Variants in SALL1 observed in about 807,000 individuals in gnomAD.
The protein encoded by SALL1 is spalt like transcription factor 1.
SALL1 carries 10 observed loss-of-function variants against 73.1 expected under a neutral mutation model. That is an observed-to-expected ratio of 0.14 (90% CI 0.08 to 0.23). The LOEUF (loss-of-function observed/expected upper bound fraction) is 0.23, where lower values mean the gene tolerates loss of function less well. Ranked by LOEUF, SALL1 falls within the 10% of genes least tolerant of loss-of-function variation. The probability of loss-of-function intolerance (pLI) is 1.00; values close to 1 mark genes in which losing one functional copy is unlikely to be tolerated. For synonymous variants in SALL1, 688 were observed against 689.8 expected (o/e 1.00, Z 0.04); for missense variants, 1,520 against 1,697.3 (o/e 0.90, Z 1.84).
At chr16:51,142,485 T>G (rs1025855484) in intron 1 of SALL1, among the ~76,000 whole-genome samples, 5 of 152,082 alleles carry the variant, frequency 3.3e-5, no homozygotes, top group Admixed American at 6.6e-5. Context: ...CCGGAGAGGG[T>G]CCACAAACCA....
At chr16:51,142,208 T>TA (rs878879461) in intron 1 of SALL1, 63 bp from the exon 2 acceptor site, 13,296 of 1,029,188 alleles carry the variant, frequency 0.013, 1 homozygote, top group Non-Finnish European at 0.014. Flanking sequence ...ACCTATGACT[T>TA]AAAAAAAAAA....
chr16:51,136,777 C>A lies in SALL1; in HGVS notation c.*335G>T. 3 of 341,298 alleles carry A rather than the reference C, an allele frequency of 8.8e-6. No homozygotes were observed. The highest frequency in any genetic ancestry group is 6.1e-5 in the South Asian group (2 of 32,628). The allele number at this position is 341,298 out of a possible 1,614,324, so 21.1% of individuals were successfully genotyped here. A position where few individuals can be genotyped will look rare whatever the true frequency, so the allele number is the denominator to read the frequency against. On this transcript the variant is annotated 3_prime_UTR_variant, in exon 3 of 3. Transcript: ENST00000251020. The stretch of plus-strand genomic sequence containing the variant: ...ACTGGATATAGAAAATAAGTTAATG[C>A]CAGATTACAACTGCCTAGCAGGGCA...
chr16:51,138,785 G>A lies in SALL1; in HGVS notation c.3437C>T (p.Ser1146Leu), dbSNP rs763919896. 9 of 1,614,048 alleles carry A rather than the reference G, an allele frequency of 5.6e-6. No homozygotes were observed. Among genetic ancestry groups the A allele is most frequent in the Admixed American group, 1.7e-5 (1 of 60,010 alleles). ...CNTCGKTFSSSSALQIHERTH... is the reference protein window; with the variant it reads ...CNTCGKTFSSLSALQIHERTH... ...TCTCTCGTGAATCTGCAGGGCACTC[G>A]ATGAGGAGAAGGTTTTGCCACATGT... is the stretch of plus-strand genomic sequence containing the variant. The change falls in exon 2 of 3, where the codon TCG becomes TTG. Residue 1146 changes from serine to leucine, a missense_variant. Around this residue, in one of 7 missense-constraint regions of SALL1, gnomAD observed 318 missense variants for 357.1 expected, o/e 0.89. Transcript: ENST00000251020.
At chr16:51,151,113 G>C in intron 1 of SALL1, 53 bp downstream of exon 1, 1 of 1,383,522 alleles carries the variant, frequency 7.2e-7, no homozygotes, top group Non-Finnish European at 9.8e-7. Flanking sequence ...GTCCGAGTGT[G>C]CGTGAGTGTG....
upstream of SALL1, among the ~76,000 whole-genome samples, chr16:51,151,600 C>A (rs902805470): frequency 2.0e-5 from 3 of 151,448 alleles, no homozygotes; most frequent in Non-Finnish European, 4.4e-5. Context: ...CCGCGCCGCC[C>A]GACACTGGGT....
Position 51,142,165 on chromosome 16 carries a change from G to A in SALL1, c.77-20C>T, listed in dbSNP as rs759645587. 1.0e-5 allele frequency: 16 copies of A among 1,588,614 alleles called. No homozygotes were observed. The highest frequency in any genetic ancestry group is 1.3e-5 in the African/African-American group (1 of 74,260). On this transcript the variant is annotated intron_variant, in intron 1 of 2. Transcript: ENST00000251020. ...TGTCTCCTACAAATGTCAAAAAGGT[G>A]CAGGATTAGAAAAGGGGCCAGGACA...
chr16:51,138,454 A>G (rs1962350713), intron 2 of SALL1, among the ~76,000 whole-genome samples: 1 of 152,098 alleles, frequency 6.6e-6, no homozygotes, highest in African/African-American at 2.4e-5. Flanking sequence ...CAAATTATTC[A>G]ATGTGCACTG....
rs1204692301 is a variant in SALL1 at position 51,137,040 on chromosome 16, G to A, written c.*72C>T. On this transcript the variant is annotated 3_prime_UTR_variant, in exon 3 of 3. Transcript: ENST00000251020. Reference sequence around the variant, plus strand: ...AGGAAGGGGCGGGGCGGGGTGGGGGGCAAGGAGTAGGAGGCCACCATAGGT... The same window carrying A: ...AGGAAGGGGCGGGGCGGGGTGGGGGACAAGGAGTAGGAGGCCACCATAGGT... The A allele has an allele frequency of 2.1e-6, 3 of 1,421,188 alleles. No homozygotes were observed. The highest frequency in any genetic ancestry group is 1.8e-5 in the Admixed American group (1 of 56,758). The allele number at this position is 1,421,188 out of a possible 1,614,324, so 88.0% of individuals were successfully genotyped here.
chr16:51,139,888 A>G lies in SALL1; in HGVS notation c.2334T>C (p.Ala778=). 1.2e-6 allele frequency: 2 copies of G among 1,614,182 alleles called. No homozygotes were observed. Among genetic ancestry groups the G allele is most frequent in the East Asian group, 2.2e-5 (1 of 44,886 alleles). The change falls in exon 2 of 3, where the codon GCT becomes GCC. Residue 778 remains alanine, a synonymous_variant. Coordinates refer to ENST00000251020, the MANE Select transcript of SALL1 (RefSeq NM_002968.3). The part of the protein sequence containing the change: ...CPICQKKFTN[A]VVLQQHIRMH... The stretch of plus-strand genomic sequence containing the variant: ...TTCGGATGTGCTGCTGCAGGACCAC[A>G]GCGTTCGTGAACTTCTTCTGGCAGA...
At chr16:51,148,456 G>A (rs1294708815) in intron 1 of SALL1, among the ~76,000 whole-genome samples, 1 of 152,162 alleles carries the variant, frequency 6.6e-6, no homozygotes, top group Non-Finnish European at 1.5e-5. Flanking sequence ...ACCATCTCAA[G>A]ACATAAGAAA....
At chr16:51,151,114 CGTGA>C (rs1458127048) in intron 1 of SALL1, 48 bp downstream of exon 1, 91 of 1,384,534 alleles carry the variant, frequency 6.6e-5, no homozygotes, top group Non-Finnish European at 8.2e-5. Context: ...TCCGAGTGTG[CGTGA>C]GTGTGAGTGC....
chr16:51,137,610 G>C, intron 2 of SALL1, 58 bp from the exon 3 acceptor site: 1 of 1,387,514 alleles, frequency 7.2e-7, no homozygotes, highest in Non-Finnish European at 1.0e-6. Context: ...AAAAAGAGGA[G>C]GGGGAGAGAA....
In SALL1 at chr16:51,140,847, C is replaced by T; in HGVS notation, c.1375G>A (p.Gly459Arg). The part of the protein sequence containing the change: ...HKCRFCAKVF[G>R]SDSALQIHLR... ...TGGATCTGCAAGGCACTGTCACTCC[C>T]AAAGACCTTCGCGCAGAACCTGCAC... Residue 459 changes from glycine (G) to arginine (R), a missense_variant, in exon 2 of 3, where the codon GGG becomes AGG. Coordinates refer to ENST00000251020, the MANE Select transcript of SALL1 (RefSeq NM_002968.3). The surrounding 1 kb of genome is among the most constrained non-coding windows in gnomAD (Gnocchi z 5.7). 1 of 1,614,230 alleles carries T rather than the reference C, an allele frequency of 6.2e-7. No homozygotes were observed. The highest frequency in any genetic ancestry group is 8.5e-7 in the Non-Finnish European group (1 of 1,180,054).
At chr16:51,145,233 C>A in intron 1 of SALL1, among the ~76,000 whole-genome samples, 1 of 151,730 alleles carries the variant, frequency 6.6e-6, no homozygotes, top group East Asian at 1.9e-4. Flanking sequence ...CACACACACA[C>A]ACACACACAC....
chr16:51,138,953 T>C lies in SALL1; in HGVS notation c.3269A>G (p.Asn1090Ser), dbSNP rs151069232. 10 of 1,614,044 alleles carry C rather than the reference T, an allele frequency of 6.2e-6. No homozygotes were observed. The East Asian group carries it at 1.6e-4, about 25-fold the overall frequency. ...SLSSLIKTEV[N>S]GFVHVSPQDS... Reference sequence around the variant, plus strand: ...CTGAGGAGAAACATGCACGAAGCCGTTGACCTCTGTCTTGATGAGAGATGA... The same window carrying C: ...CTGAGGAGAAACATGCACGAAGCCGCTGACCTCTGTCTTGATGAGAGATGA... The change falls in exon 2 of 3, where the codon AAC becomes AGC. Residue 1090 changes from asparagine to serine, a missense_variant. Transcript: ENST00000251020.
Position 51,140,311 on chromosome 16 carries a change from C to T in SALL1, c.1911G>A (p.Ala637=), listed in dbSNP as rs148595195. Residue 637 remains alanine (A), a synonymous_variant, in exon 2 of 3, where the codon GCG becomes GCA. Coordinates refer to ENST00000251020, the MANE Select transcript of SALL1 (RefSeq NM_002968.3). The surrounding 1 kb of genome is among the most constrained non-coding windows in gnomAD (Gnocchi z 5.7). ...CTGGGGAGCTCAGGACGCTACTGCTCGCCGTCGGGACTGAGTTGGTGACCA... is the reference window on the plus strand; with the variant it reads ...CTGGGGAGCTCAGGACGCTACTGCTTGCCGTCGGGACTGAGTTGGTGACCA... The part of the protein sequence containing the change: ...SGMVTNSVPT[A]SSSVLSSPAA... 671 of 1,614,094 alleles carry T rather than the reference C, an allele frequency of 4.2e-4. 3 individuals carry two copies. The African/African-American group carries it at 7.5e-3, about 18-fold the overall frequency.
At chr16:51,144,725 C>A (rs1293418855) in intron 1 of SALL1, among the ~76,000 whole-genome samples, 2 of 152,156 alleles carry the variant, frequency 1.3e-5, no homozygotes, top group African/African-American at 4.8e-5. Flanking sequence ...TGCATTTGTG[C>A]TGCCTCGAGA....
At chr16:51,150,336 C>G (rs1038540021) in intron 1 of SALL1, 1 of 913,602 alleles carries the variant, frequency 1.1e-6, no homozygotes, top group Admixed American at 6.2e-5. Flanking sequence ...CCCTGACCCC[C>G]CTGGAAGTAG....
Position 51,139,268 on chromosome 16 carries a change from G to C in SALL1, c.2954C>G (p.Ser985Cys). 1 of 1,614,178 alleles carries C rather than the reference G, an allele frequency of 6.2e-7. No homozygotes were observed. The change falls in exon 2 of 3, where the codon TCT becomes TGT. Residue 985 changes from serine to cysteine, a missense_variant. By Grantham distance (112) the Ser-to-Cys change is moderately radical. Around this residue, in one of 7 missense-constraint regions of SALL1, gnomAD observed 266 missense variants for 275.1 expected, o/e 0.97. Transcript: ENST00000251020. ...TCTAAAAGGGAAGAGGATCCCCAAA[G>C]AATCTTCTTTGATGATTTTCTCTGC... is the stretch of plus-strand genomic sequence containing the variant. ...SHAEKIIKED[S>C]LGILFPFRDR...
Sources: gnomAD v4.1 joint callset for allele counts (sites outside exome capture counted in the v4.1 genomes callset) on GRCh38, gnomAD v4.1.1 for gene constraint, gnomAD v4.1.1 regional missense constraint, Gnocchi (gnomAD v3.1) non-coding constraint, MANE v1.5 for transcripts, NCBI Gene and HGNC (gene_info 2026-07-23, HGNC 2026-07-21) for gene names.